ROR1: variants seen among roughly 807,000 people sequenced by gnomAD.
ROR1 encodes the protein ROR family WNT receptor 1.
Under a neutral mutation model 78.8 loss-of-function variants are expected in ROR1, and 19 were observed. The observed-to-expected ratio is 0.24, with a 90% CI of 0.17 to 0.35. ROR1 has a LOEUF of 0.35. Ranked by LOEUF, ROR1 falls within the 10% of genes least tolerant of loss-of-function variation. ROR1 has a pLI of 1.00. For synonymous variants in ROR1, 386 were observed against 433.6 expected (o/e 0.89, Z 1.36); for missense variants, 917 against 1,177.8 (o/e 0.78, Z 3.24).
intron 1 of ROR1, among the ~76,000 whole-genome samples, chr1:63,869,217 A>G (rs1479395889): frequency 6.6e-6 from 1 of 152,238 alleles, no homozygotes; most frequent in Non-Finnish European, 1.5e-5. Context: ...TGTCCCTAAT[A>G]TGCATGGCAA....
chr1:63,930,138 C>T (rs1645739779), intron 1 of ROR1, among the ~76,000 whole-genome samples: 1 of 152,104 alleles, frequency 6.6e-6, no homozygotes, highest in Non-Finnish European at 1.5e-5. Flanking sequence ...CTGACAGGCC[C>T]CAGTGTGTGA....
chr1:64,029,398 T>A (rs1646641340), intron 2 of ROR1, among the ~76,000 whole-genome samples: 1 of 152,208 alleles, frequency 6.6e-6, no homozygotes, highest in African/African-American at 2.4e-5. Flanking sequence ...CAATATACCC[T>A]CTGACTCTCT....
chr1:63,917,620 T>G (rs1294818751), intron 1 of ROR1, among the ~76,000 whole-genome samples: 1 of 152,200 alleles, frequency 6.6e-6, no homozygotes, highest in African/African-American at 2.4e-5. Flanking sequence ...CATTTTTGCT[T>G]CTCAATCAGC....
chr1:63,815,457 C>CTTTTT (rs1644885188), intron 1 of ROR1, among the ~76,000 whole-genome samples: 1 of 103,786 alleles, frequency 9.6e-6, no homozygotes, highest in African/African-American at 4.6e-5. Flanking sequence ...TTTTTTTTTT[C>CTTTTT]TTTTTCTTTT....
At chr1:63,944,811 C>T (rs1020869061) in intron 1 of ROR1, among the ~76,000 whole-genome samples, 2 of 152,136 alleles carry the variant, frequency 1.3e-5, no homozygotes, top group African/African-American at 2.4e-5. Flanking sequence ...TTGGCCAAAT[C>T]TCCTAATTGC....
intron 1 of ROR1, among the ~76,000 whole-genome samples, chr1:63,970,592 TA>T (rs922392008): frequency 1.1e-4 from 16 of 152,182 alleles, no homozygotes; most frequent in African/African-American, 3.9e-4. Context: ...CAACCGCACT[TA>T]AAAAAATACA....
intron 1 of ROR1, among the ~76,000 whole-genome samples, chr1:63,899,294 G>A (rs2100400717): frequency 6.6e-6 from 1 of 152,256 alleles, no homozygotes. Context: ...TGAGTATACT[G>A]TGCCCAGATG....
intron 7 of ROR1, among the ~76,000 whole-genome samples, chr1:64,151,826 C>G (rs930470931): frequency 1.3e-5 from 2 of 149,154 alleles, no homozygotes; most frequent in African/African-American, 2.5e-5. Flanking sequence ...GAGGTTACAG[C>G]GAGCTGAGAT....
chr1:64,160,885 C>T (rs1422119645), intron 8 of ROR1, among the ~76,000 whole-genome samples: 1 of 152,036 alleles, frequency 6.6e-6, no homozygotes, highest in East Asian at 1.9e-4. Context: ...CAGTTTGGTG[C>T]AGTAGCCACC....
At chr1:63,801,086 A>C (rs1350001956) in intron 1 of ROR1, among the ~76,000 whole-genome samples, 4 of 150,030 alleles carry the variant, frequency 2.7e-5, no homozygotes, top group African/African-American at 9.8e-5. Context: ...TAGATGGTTT[A>C]TTTATTTATT....
At chr1:63,999,141 A>T (rs540378328) in intron 1 of ROR1, among the ~76,000 whole-genome samples, 2 of 152,346 alleles carry the variant, frequency 1.3e-5, no homozygotes, top group South Asian at 4.1e-4. Context: ...AGACGTATAC[A>T]TGGCCAAGGC....
At chr1:63,984,318 CAG>C (rs979019023) in intron 1 of ROR1, among the ~76,000 whole-genome samples, 1 of 152,120 alleles carries the variant, frequency 6.6e-6, no homozygotes, top group Non-Finnish European at 1.5e-5. Context: ...CAAGGAGAAA[CAG>C]AGCACTGGTG....
chr1:64,144,092 A>T (rs1273177535), intron 7 of ROR1, among the ~76,000 whole-genome samples: 3 of 152,206 alleles, frequency 2.0e-5, no homozygotes, highest in Admixed American at 1.3e-4. Flanking sequence ...ATATGTGTTG[A>T]AATTGGAGAC....
chr1:63,951,347 T>A (rs1645933667), intron 1 of ROR1, among the ~76,000 whole-genome samples: 1 of 144,598 alleles, frequency 6.9e-6, no homozygotes, highest in South Asian at 2.1e-4. Flanking sequence ...TGCACCAAAG[T>A]CCCTTAAGAG....
At chr1:63,827,584 G>A (rs1045541351) in intron 1 of ROR1, among the ~76,000 whole-genome samples, 3 of 152,176 alleles carry the variant, frequency 2.0e-5, no homozygotes, top group South Asian at 4.1e-4. Flanking sequence ...ACTTGCCAAG[G>A]CGTTGATGAC....
intron 1 of ROR1, among the ~76,000 whole-genome samples, chr1:63,820,298 A>G (rs1407106589): frequency 1.3e-5 from 2 of 152,080 alleles, no homozygotes; most frequent in Non-Finnish European, 2.9e-5. Context: ...TGCATTTTCT[A>G]CACACTTGTT....
At chr1:63,833,000 C>A (rs1644998244) in intron 1 of ROR1, among the ~76,000 whole-genome samples, 1 of 152,214 alleles carries the variant, frequency 6.6e-6, no homozygotes, top group Non-Finnish European at 1.5e-5. Context: ...AAGCTGTAAC[C>A]CTTACAATGC....
chr1:63,925,008 A>AT (rs1463277870), intron 1 of ROR1, among the ~76,000 whole-genome samples: 1 of 70,350 alleles, frequency 1.4e-5, no homozygotes, highest in Non-Finnish European at 3.1e-5. Flanking sequence ...TTTATTTTTT[A>AT]TTTTTTATTT....
chr1:64,008,615 C>T (rs1459789979), intron 1 of ROR1, among the ~76,000 whole-genome samples: 1 of 152,142 alleles, frequency 6.6e-6, no homozygotes, highest in East Asian at 1.9e-4. Flanking sequence ...TGCATCCTTG[C>T]CAGCATCTGT....
Sources: gnomAD v4.1 joint callset for allele counts (sites outside exome capture counted in the v4.1 genomes callset) on GRCh38, gnomAD v4.1.1 for gene constraint, MANE v1.5 for transcripts, NCBI Gene and HGNC (gene_info 2026-07-23, HGNC 2026-07-21) for gene names.